Variants in MAPRE2 observed in about 807,000 individuals in gnomAD.
MAPRE2 encodes the protein microtubule-associated protein RP/EB family member 2.
MAPRE2 carries 13 observed loss-of-function variants against 43.2 expected under a neutral mutation model. That is an observed-to-expected ratio of 0.30 (90% confidence interval 0.20 to 0.48). The LOEUF (loss-of-function observed/expected upper bound fraction) is 0.48, where lower values mean the gene tolerates loss of function less well. Ranked by LOEUF, MAPRE2 falls within the 20% of genes least tolerant of loss-of-function variation. The pLI is 0.99. For missense variants in MAPRE2, 161 were observed against 400.2 expected (o/e 0.40, Z 5.10); for synonymous variants, 135 against 148.8 (o/e 0.91, Z 0.68).
chr18:35,129,274 C>T (rs1910043628), intron 5 of MAPRE2, among the ~76,000 whole-genome samples: 1 of 152,138 alleles, frequency 6.6e-6, no homozygotes, highest in Non-Finnish European at 1.5e-5. Context: ...CTTTTTCTGT[C>T]TTGGAGCCAA....
chr18:35,117,525 G>A (rs766541622), intron 4 of MAPRE2, among the ~76,000 whole-genome samples: 6 of 150,020 alleles, frequency 4.0e-5, no homozygotes, highest in Non-Finnish European at 6.0e-5. Context: ...TGACTGCTGC[G>A]TACCAGGAGT....
At chr18:35,136,229 C>T (rs150358563) in intron 6 of MAPRE2, among the ~76,000 whole-genome samples, 241 of 152,308 alleles carry the variant, frequency 1.6e-3, no homozygotes, top group Non-Finnish European at 2.5e-3. Flanking sequence ...GGAGTCTGGG[C>T]TGAAGCATTG....
At chr18:35,095,408 A>G (rs988919410) in intron 2 of MAPRE2, among the ~76,000 whole-genome samples, 2 of 150,338 alleles carry the variant, frequency 1.3e-5, no homozygotes, top group Admixed American at 6.6e-5. Flanking sequence ...ACACGCACAC[A>G]CACACTCCTT....
At chr18:35,078,860 A>G (rs569218468) in intron 2 of MAPRE2, among the ~76,000 whole-genome samples, 1 of 152,328 alleles carries the variant, frequency 6.6e-6, no homozygotes, top group Non-Finnish European at 1.5e-5. Flanking sequence ...TTTCTTACCA[A>G]AAGTAACGAG....
intron 1 of MAPRE2, among the ~76,000 whole-genome samples, chr18:35,001,355 A>G (rs1379411482): frequency 6.6e-6 from 1 of 152,170 alleles, no homozygotes; most frequent in Non-Finnish European, 1.5e-5. Context: ...ACTACTAAAA[A>G]AATACAAAAA....
chr18:35,113,316 A>G (rs1230913465), intron 4 of MAPRE2, among the ~76,000 whole-genome samples: 1 of 152,186 alleles, frequency 6.6e-6, no homozygotes, highest in African/African-American at 2.4e-5. Context: ...GAAAAGCCCA[A>G]GGGCTTCTTC....
chr18:34,999,927 C>T (rs2097028466), intron 1 of MAPRE2, among the ~76,000 whole-genome samples: 2 of 151,878 alleles, frequency 1.3e-5, no homozygotes, highest in African/African-American at 4.8e-5. Flanking sequence ...CTGAGCCCAA[C>T]CCAAGACCAT....
chr18:34,999,856 G>A (rs1047538345), intron 1 of MAPRE2, among the ~76,000 whole-genome samples: 1 of 152,104 alleles, frequency 6.6e-6, no homozygotes, highest in South Asian at 2.1e-4. Context: ...TTGCCCTGGG[G>A]AAGTTGCACA....
At chr18:34,992,428 AC>A (rs2097024299) in intron 1 of MAPRE2, among the ~76,000 whole-genome samples, 1 of 152,174 alleles carries the variant, frequency 6.6e-6, no homozygotes, top group African/African-American at 2.4e-5. Context: ...TTGTCAAGGG[AC>A]CTAGTTCTTG....
chr18:35,032,432 A>T (rs552682646), intron 2 of MAPRE2, among the ~76,000 whole-genome samples: 1 of 152,176 alleles, frequency 6.6e-6, no homozygotes, highest in Admixed American at 6.5e-5. Flanking sequence ...CTTCTCTGCT[A>T]TCATAGTTGA....
chr18:35,091,906 C>T (rs1458911964), intron 2 of MAPRE2, among the ~76,000 whole-genome samples: 1 of 152,200 alleles, frequency 6.6e-6, no homozygotes, highest in East Asian at 1.9e-4. Context: ...TTAATTGGCT[C>T]ACAGTTCTGC....
intron 1 of MAPRE2, among the ~76,000 whole-genome samples, chr18:35,060,734 T>A (rs1225993355): frequency 1.3e-5 from 2 of 152,184 alleles, no homozygotes; most frequent in Non-Finnish European, 2.9e-5. Flanking sequence ...TTTTGTTTAG[T>A]TACGATAGGG....
chr18:34,978,255 A>G (rs1264366754), intron 1 of MAPRE2: 7 of 553,100 alleles, frequency 1.3e-5, no homozygotes, highest in African/African-American at 7.7e-5. Flanking sequence ...TAGACCCGCT[A>G]GGCAGGAAGA....
chr18:34,994,199 C>A (rs2097025291), intron 1 of MAPRE2, among the ~76,000 whole-genome samples: 1 of 150,576 alleles, frequency 6.6e-6, no homozygotes. Context: ...TGGGGAGGGG[C>A]AAGAAAGAAG....
intron 4 of MAPRE2, among the ~76,000 whole-genome samples, chr18:35,103,660 C>T (rs1436342156): frequency 6.6e-6 from 1 of 152,076 alleles, no homozygotes; most frequent in Non-Finnish European, 1.5e-5. Context: ...TCTTGAGAAA[C>T]TTGGACATTT....
intron 3 of MAPRE2, among the ~76,000 whole-genome samples, chr18:35,101,523 A>C (rs1908678929): frequency 6.6e-6 from 1 of 152,162 alleles, no homozygotes; most frequent in Non-Finnish European, 1.5e-5. Flanking sequence ...TTTTGTACCC[A>C]ATCACCATCC....
chr18:35,106,073 A>G (rs934436902), intron 4 of MAPRE2, among the ~76,000 whole-genome samples: 2 of 152,264 alleles, frequency 1.3e-5, no homozygotes, highest in Non-Finnish European at 2.9e-5. Flanking sequence ...ATTTAGAGCA[A>G]ATGAAAGGTG....
chr18:35,021,928 T>C (rs2097042160), intron 2 of MAPRE2, among the ~76,000 whole-genome samples: 1 of 151,916 alleles, frequency 6.6e-6, no homozygotes, highest in Non-Finnish European at 1.5e-5. Context: ...ATAAAAGAGA[T>C]GTTAGAGCTT....
chr18:35,027,379 G>C (rs2097045765), intron 2 of MAPRE2, among the ~76,000 whole-genome samples: 1 of 152,106 alleles, frequency 6.6e-6, no homozygotes. Context: ...CTTGTGCTAG[G>C]AACCCAGCCA....
Sources: allele counts gnomAD v4.1 joint callset (sites outside exome capture counted in the v4.1 genomes callset), GRCh38; gene constraint gnomAD v4.1.1; transcripts MANE v1.5; gene names NCBI Gene and HGNC (gene_info 2026-07-23, HGNC 2026-07-21).